CCDC9B: variants seen among roughly 807,000 people sequenced by gnomAD.
CCDC9B encodes coiled-coil domain-containing protein 9B.
CCDC9B carries 40 observed loss-of-function variants against 47.2 expected under a neutral mutation model. The observed-to-expected ratio is 0.85, with a 90% CI of 0.66 to 1.10. The LOEUF is 1.10. Among genes scored for constraint, CCDC9B ranks in the 50% least tolerant of loss-of-function variants. CCDC9B has a pLI of 0.00. For missense variants in CCDC9B, 662 were observed against 651.0 expected, an observed-to-expected ratio of 1.02 and a Z score of -0.18; for synonymous variants, 238 against 250.7, an observed-to-expected ratio of 0.95 and a Z score of 0.48.
intron 8 of CCDC9B, 32 bp downstream of exon 8, chr15:40,336,728 C>G: frequency 6.2e-7 from 1 of 1,600,798 alleles, no homozygotes; most frequent in Non-Finnish European, 8.5e-7. Flanking sequence ...CTTTAGCTGA[C>G]GAGACCTGGC....
At position 40,334,908 on chromosome 15, in the gene CCDC9B, A is replaced by G. The variant is rs1888922436; in HGVS notation, c.*250T>C. The G allele has an allele frequency of 8.2e-6, 3 of 366,074 alleles. No individual in the cohort carries two copies. The highest frequency in any genetic ancestry group is 1.5e-5 in the Non-Finnish European group (3 of 204,014). 22.7% of individuals were successfully genotyped at this position (366,074 alleles called of 1,614,324 possible). On this transcript the variant is annotated 3_prime_UTR_variant, in exon 11 of 11. Transcript: ENST00000397536. ...AGGGTGCACCAGCCTCAGATGCCAG[A>G]TACTAGTACAGGAATACACCAGGGG...
At chr15:40,340,631 G>A in intron 1 of CCDC9B, 177 bp downstream of exon 1, 3 of 635,368 alleles carry the variant, frequency 4.7e-6, no homozygotes, top group Non-Finnish European at 2.6e-6. Context: ...CCATGTCTCT[G>A]CATCAAGATT....
chr15:40,339,065 G>A (rs1326905757), intron 3 of CCDC9B, 162 bp from the exon 4 acceptor site: 3 of 809,046 alleles, frequency 3.7e-6, no homozygotes, highest in Non-Finnish European at 6.2e-6. Flanking sequence ...AATGGCATGA[G>A]GTTATCCAGG....
rs747568178 is a variant in CCDC9B, at chr15:40,339,038, C to T, written c.232-135G>A. The T allele has an allele frequency of 4.0e-6, 4 of 992,028 alleles. No individual in the cohort carries two copies. In the African/African-American group the frequency reaches 4.8e-5, roughly 12 times the overall value. 61.5% of individuals were successfully genotyped at this position (992,028 alleles called of 1,614,324 possible). A position where few individuals can be genotyped will look rare whatever the true frequency, so the allele number is the denominator to read the frequency against. On this transcript the variant is annotated intron_variant, in intron 3 of 10. Coordinates refer to ENST00000397536, the MANE Select transcript of CCDC9B (RefSeq NM_207380.3). Reference sequence around the variant, plus strand: ...TTCCCCACAGAAGAGCTGACTCCCACAGGGTGTTCACATGCCAATGGCATG... The same window carrying T: ...TTCCCCACAGAAGAGCTGACTCCCATAGGGTGTTCACATGCCAATGGCATG...
chr15:40,340,065 C>T (rs754898797), intron 1 of CCDC9B, 50 bp from the exon 2 acceptor site: 20 of 1,155,758 alleles, frequency 1.7e-5, no homozygotes, highest in Non-Finnish European at 2.4e-5. Flanking sequence ...CCCCTCTCAC[C>T]AGTCCCCAGC....
chr15:40,338,196 T>C (rs1889008626), intron 5 of CCDC9B: 7 of 712,786 alleles, frequency 9.8e-6, no homozygotes, highest in Non-Finnish European at 1.8e-5. Context: ...CTGGAAGCTG[T>C]GAGCAAGGGC....
At position 40,338,614 on chromosome 15, in the gene CCDC9B, C is replaced by T; in HGVS notation, c.434G>A (p.Gly145Asp). Reference sequence around the variant, plus strand: ...ACGCCCTCCAGGTGACCCCTCTATGCCTTGGTTCCTTGCTCTGGTAGGCTT... The same window carrying T: ...ACGCCCTCCAGGTGACCCCTCTATGTCTTGGTTCCTTGCTCTGGTAGGCTT... ...SEKPTRARNQ[G>D]IEGSPGGRVT... Residue 145 changes from glycine to aspartate, a missense_variant, in exon 5 of 11, where the codon GGC becomes GAC. By Grantham distance (94) the Gly-to-Asp change is moderately conservative. Transcript: ENST00000397536. 6.2e-7 allele frequency: 1 copy of T among 1,614,078 alleles called. No homozygotes were observed. Among genetic ancestry groups the T allele is most frequent in the Non-Finnish European group, 8.5e-7 (1 of 1,179,944 alleles).
Position 40,340,924 on chromosome 15 carries a change from G to A in CCDC9B, c.-105C>T, listed in dbSNP as rs900053230. ...GGGCCTCTGCCGGCCTCTCCCTGCCGGCTTCGCTGCTCAGCACACGAGATC... is the reference window on the plus strand; with the variant it reads ...GGGCCTCTGCCGGCCTCTCCCTGCCAGCTTCGCTGCTCAGCACACGAGATC... On this transcript the variant is annotated 5_prime_UTR_variant, in exon 1 of 11. Transcript: ENST00000397536. 5.6e-6 allele frequency: 9 copies of A among 1,607,682 alleles called. No homozygotes were observed. Among genetic ancestry groups the A allele is most frequent in the East Asian group, 4.5e-5 (2 of 44,596 alleles).
At chr15:40,337,477 T>C in intron 6 of CCDC9B, 31 bp from the exon 7 acceptor site, 1 of 1,525,062 alleles carries the variant, frequency 6.6e-7, no homozygotes, top group Non-Finnish European at 8.8e-7. Flanking sequence ...AGGTTGCTGG[T>C]GCACAGAAGC....
rs757378813 is a variant in CCDC9B at position 40,337,710 on chromosome 15, A to T, written c.683+14T>A. 2 of 1,581,050 alleles carry T rather than the reference A, an allele frequency of 1.3e-6. No homozygotes were observed. Among genetic ancestry groups the T allele is most frequent in the Non-Finnish European group, 1.7e-6 (2 of 1,166,530 alleles). On this transcript the variant is annotated intron_variant, in intron 6 of 10. Transcript: ENST00000397536. Reference sequence around the variant, plus strand: ...TCCCGCACCACAGGCAACCTGCCCAACCCAGCCACCCACGTGGACTTGGCC... The same window carrying T: ...TCCCGCACCACAGGCAACCTGCCCATCCCAGCCACCCACGTGGACTTGGCC...
In CCDC9B at chr15:40,334,538, T is replaced by C. The variant is rs968082899; in HGVS notation, c.*620A>G. On this transcript the variant is annotated 3_prime_UTR_variant, in exon 11 of 11. Coordinates refer to ENST00000397536, the MANE Select transcript of CCDC9B (RefSeq NM_207380.3). ...CAACCCATTTCAGAGAGGAGGACTT[T>C]CCAGAGATCCTCCTTTTCACCAAGA... 1.3e-5 allele frequency: 2 copies of C among 152,200 alleles called. No individual in the cohort carries two copies. The highest frequency in any genetic ancestry group is 2.9e-5 in the Non-Finnish European group (2 of 68,054). 9.4% of individuals were successfully genotyped at this position (152,200 alleles called of 1,614,324 possible). A position where few individuals can be genotyped will look rare whatever the true frequency, so the allele number is the denominator to read the frequency against.
chr15:40,335,673 T>A lies in CCDC9B; in HGVS notation c.958A>T (p.Ser320Cys). 6.4e-7 allele frequency: 1 copy of A among 1,550,700 alleles called. No individual in the cohort carries two copies. ...EGSQSTRETP[S>C]EEEQAQKQSG... is the part of the protein sequence containing the mutation. ...TGCTTCTGGGCTTGCTCCTCCTCACTGGGAGTCTCTCTGGTGCTTTGGCTT... is the reference window on the plus strand; with the variant it reads ...TGCTTCTGGGCTTGCTCCTCCTCACAGGGAGTCTCTCTGGTGCTTTGGCTT... The change falls in exon 11 of 11, where the codon AGT becomes TGT. Residue 320 changes from serine (S) to cysteine (C), a missense_variant. By Grantham distance (112) the Ser-to-Cys change is moderately radical (BLOSUM62 -1). Transcript: ENST00000397536.
At position 40,334,400 on chromosome 15, in the gene CCDC9B, G is replaced by T. The variant is rs1319149670; in HGVS notation, c.*758C>A. The T allele has an allele frequency of 6.6e-6, 1 of 152,346 alleles. No homozygotes were observed. Among genetic ancestry groups the T allele is most frequent in the Non-Finnish European group, 1.5e-5 (1 of 68,164 alleles). 9.4% of individuals were successfully genotyped at this position (152,346 alleles called of 1,614,324 possible). A position where few individuals can be genotyped will look rare whatever the true frequency, so the allele number is the denominator to read the frequency against. On this transcript the variant is annotated 3_prime_UTR_variant, in exon 11 of 11. Transcript: ENST00000397536. Reference sequence around the variant, plus strand: ...AGCAGGAAATGACCCTGGGCTGCAGGGCCAGGCCCTTGCCTACATTCAGGG... The same window carrying T: ...AGCAGGAAATGACCCTGGGCTGCAGTGCCAGGCCCTTGCCTACATTCAGGG...
rs1888867303 is a variant in CCDC9B at position 40,331,890 on chromosome 15, G to C, written c.*3268C>G. 1 of 152,410 alleles carries C rather than the reference G, an allele frequency of 6.6e-6. No homozygotes were observed. The highest frequency in any genetic ancestry group is 1.5e-5 in the Non-Finnish European group (1 of 68,038). The allele number at this position is 152,410 out of a possible 1,614,324, so 9.4% of individuals were successfully genotyped here. On this transcript the variant is annotated 3_prime_UTR_variant, in exon 11 of 11. Coordinates refer to ENST00000397536, the MANE Select transcript of CCDC9B (RefSeq NM_207380.3). ...TGTCTTTCTTGCAGGCTGGTCTATT[G>C]CATTTCCGTCCCGCCATCTGTCAAA...
chr15:40,338,252 G>T, intron 5 of CCDC9B: 1 of 652,620 alleles, frequency 1.5e-6, no homozygotes, highest in Non-Finnish European at 2.8e-6. Flanking sequence ...CTGGCACTTG[G>T]CCAGTCAACT....
In CCDC9B at chr15:40,335,494, GGA is replaced by G; in HGVS notation, c.1135_1136del (p.Ser379ProfsTer34). On this transcript the variant is annotated frameshift_variant, in exon 11 of 11. Transcript: ENST00000397536. LOFTEE classifies it low-confidence loss of function (END_TRUNC). ...GCCCAGGGATGCCAGCCCCTCCTAGGGAGAGGTCAAGAGGAGCCAAGTCAGGC... is the reference window on the plus strand; with the variant it reads ...GCCCAGGGATGCCAGCCCCTCCTAGGGAGGTCAAGAGGAGCCAAGTCAGGC... ...QEPDLAPLDL[S>X]LGGAGIPGPR... The G allele has an allele frequency of 6.3e-7, 1 of 1,583,296 alleles. No individual in the cohort carries two copies. Among genetic ancestry groups the G allele is most frequent in the Non-Finnish European group, 8.6e-7 (1 of 1,162,612 alleles).
chr15:40,338,891 C>T lies in CCDC9B; in HGVS notation c.244G>A (p.Val82Ile). ...ISQVPGEKRV[V>I]SRNWARGTCG... ...GTACCCCTTGCCCAGTTCCTGCTAA[C>T]CACCCGCTTTTCCTGCAGAACAAAG... The change falls in exon 4 of 11, where the codon GTT (valine) becomes ATT (isoleucine). Residue 82 changes from valine (V) to isoleucine (I), a missense_variant. Physicochemically the swap from Val to Ile is conservative, Grantham distance 29 (BLOSUM62 3). Transcript: ENST00000397536. 1.9e-6 allele frequency: 3 copies of T among 1,614,192 alleles called. No homozygotes were observed. Among genetic ancestry groups the T allele is most frequent in the Non-Finnish European group, 2.5e-6 (3 of 1,180,020 alleles).
chr15:40,336,390 C>T (rs1224326727), intron 9 of CCDC9B, 184 bp downstream of exon 9: 19 of 985,302 alleles, frequency 1.9e-5, no homozygotes, highest in Middle Eastern at 5.2e-4. Flanking sequence ...CCAGCCTCCC[C>T]GGGCACCAGG....
In CCDC9B at chr15:40,336,172, T is replaced by G. The variant is rs540716127; in HGVS notation, c.888-346A>C. 4 of 985,348 alleles carry G rather than the reference T, an allele frequency of 4.1e-6. No homozygotes were observed. In the African/African-American group the frequency reaches 7.0e-5, roughly 17 times the overall value. 61.0% of individuals were successfully genotyped at this position (985,348 alleles called of 1,614,324 possible). A position where few individuals can be genotyped will look rare whatever the true frequency, so the allele number is the denominator to read the frequency against. ...AGCCAGAATGTGGCTCCAGGATGCT[T>G]CCCCCACCAAGCCTGACCTTGTTCC... On this transcript the variant is annotated intron_variant, in intron 9 of 10. Coordinates refer to ENST00000397536, the MANE Select transcript of CCDC9B (RefSeq NM_207380.3).
Sources: allele counts gnomAD v4.1 joint callset, GRCh38; gene constraint gnomAD v4.1.1; transcripts MANE v1.5; gene names NCBI Gene and HGNC (gene_info 2026-07-23, HGNC 2026-07-21).